Variants in VPS54 observed in about 807,000 individuals in gnomAD.
VPS54 encodes vacuolar protein sorting-associated protein 54.
Under a neutral mutation model 121.5 loss-of-function variants are expected in VPS54, and 45 were observed. That is an observed-to-expected ratio of 0.37 (90% CI 0.29 to 0.47). VPS54 has a LOEUF of 0.47. Ranked by LOEUF, VPS54 falls within the 20% of genes least tolerant of loss-of-function variation. The pLI is 0.99. For synonymous variants in VPS54, 371 were observed against 385.8 expected, an observed-to-expected ratio of 0.96 and a Z score of 0.45; for missense variants, 1,090 against 1,131.4, an observed-to-expected ratio of 0.96 and a Z score of 0.52.
intron 17 of VPS54, 90 bp from the exon 18 acceptor site, chr2:63,913,400 T>C: frequency 3.6e-6 from 3 of 837,206 alleles, no homozygotes; most frequent in Non-Finnish European, 5.5e-6. Flanking sequence ...TACATTCCCC[T>C]TTCCTCTCAT....
intron 5 of VPS54, among the ~76,000 whole-genome samples, chr2:63,967,595 T>A (rs946766621): frequency 6.6e-6 from 1 of 151,852 alleles, no homozygotes. Flanking sequence ...AGCAGGCGCC[T>A]GTAATCCCAG....
In VPS54 at chr2:63,949,207, C is replaced by G. The variant is rs1675127240; in HGVS notation, c.1011-44G>C. On this transcript the variant is annotated intron_variant, in intron 7 of 22. Coordinates refer to ENST00000272322, the MANE Select transcript of VPS54 (RefSeq NM_016516.3). The stretch of plus-strand genomic sequence containing the variant: ...ATGTTATATTTATATTCACTAAAAA[C>G]TACAAATTCGCTCCACAATCAAGGG... 2.6e-6 allele frequency: 4 copies of G among 1,564,692 alleles called. No homozygotes were observed. In the South Asian group the frequency reaches 4.8e-5, roughly 19 times the overall value.
At chr2:63,981,210 T>C (rs995032419) in intron 3 of VPS54, among the ~76,000 whole-genome samples, 2 of 152,152 alleles carry the variant, frequency 1.3e-5, no homozygotes, top group African/African-American at 4.8e-5. Flanking sequence ...AGACAGGGTT[T>C]AAAGTAATAT....
Position 63,942,570 on chromosome 2 carries a change from A to C in VPS54, c.1302-9T>G, listed in dbSNP as rs1053261089. 6.4e-7 allele frequency: 1 copy of C among 1,565,218 alleles called. No individual in the cohort carries two copies. Among genetic ancestry groups the C allele is most frequent in the Non-Finnish European group, 8.7e-7 (1 of 1,152,732 alleles). ...TCATCTGATCTGCAAGCCTAGAAAA[A>C]AATAATTCAAACAAAAATAATGATT... is the stretch of plus-strand genomic sequence containing the variant. On this transcript the variant is annotated splice_polypyrimidine_tract_variant and intron_variant, in intron 10 of 22. Coordinates refer to ENST00000272322, the MANE Select transcript of VPS54 (RefSeq NM_016516.3).
intron 11 of VPS54, among the ~76,000 whole-genome samples, chr2:63,940,292 AT>A (rs1207068816): frequency 6.6e-6 from 1 of 152,226 alleles, no homozygotes; most frequent in Non-Finnish European, 1.5e-5. Flanking sequence ...ACTTGACAGA[AT>A]CACAAACTTT....
At chr2:63,913,956 G>A (rs1325529211) in intron 17 of VPS54, 29 of 1,312,342 alleles carry the variant, frequency 2.2e-5, no homozygotes, top group Non-Finnish European at 2.4e-5. Context: ...TGTCTCCAAT[G>A]TCATTAACAA....
intron 11 of VPS54, among the ~76,000 whole-genome samples, chr2:63,936,791 G>T (rs988711818): frequency 1.3e-5 from 2 of 152,080 alleles, no homozygotes; most frequent in Non-Finnish European, 2.9e-5. Flanking sequence ...ATAACAGTGT[G>T]GTATTGGCAT....
chr2:63,935,150 C>T (rs1198625078), intron 11 of VPS54, among the ~76,000 whole-genome samples: 1 of 152,136 alleles, frequency 6.6e-6, no homozygotes, highest in Non-Finnish European at 1.5e-5. Context: ...ATGACACCAA[C>T]AACCTCTTTA....
chr2:63,906,731 G>A (rs890196455), intron 20 of VPS54, among the ~76,000 whole-genome samples: 1 of 152,170 alleles, frequency 6.6e-6, no homozygotes, highest in African/African-American at 2.4e-5. Context: ...TACAAAACTG[G>A]ATATACCTTG....
At chr2:63,975,336 T>C (rs1356212994) in intron 3 of VPS54, 2 of 243,024 alleles carry the variant, frequency 8.2e-6, no homozygotes, top group East Asian at 7.4e-5. Context: ...ACAAAGATGA[T>C]AACAGTCCTT....
chr2:63,971,349 A>G (rs1676277325), intron 4 of VPS54, among the ~76,000 whole-genome samples: 1 of 152,242 alleles, frequency 6.6e-6, no homozygotes, highest in African/African-American at 2.4e-5. Flanking sequence ...AAATCTGATC[A>G]TGCCTAGTTA....
intron 2 of VPS54, 21 bp from the exon 3 acceptor site, chr2:63,981,908 A>G (rs1676817548): frequency 6.2e-7 from 1 of 1,602,582 alleles, no homozygotes; most frequent in African/African-American, 1.3e-5. Flanking sequence ...TAAACAAGAG[A>G]ACTCTGTAAA....
chr2:63,980,592 T>C (rs532466607), intron 3 of VPS54, among the ~76,000 whole-genome samples: 1 of 152,280 alleles, frequency 6.6e-6, no homozygotes, highest in Admixed American at 6.5e-5. Context: ...TTTTGCTATT[T>C]TAGTGGTTGC....
intron 22 of VPS54, 144 bp downstream of exon 22, chr2:63,897,352 G>GAA (rs969186317): frequency 7.6e-5 from 39 of 514,208 alleles, no homozygotes; most frequent in South Asian, 1.5e-4. Flanking sequence ...TTCCACAGGG[G>GAA]AAAAAAAAAA....
chr2:63,992,467 G>A (rs1677374135), intron 1 of VPS54, among the ~76,000 whole-genome samples: 1 of 152,212 alleles, frequency 6.6e-6, no homozygotes, highest in Non-Finnish European at 1.5e-5. Context: ...AAAGAAGACA[G>A]GGCTGGTTTA....
chr2:63,922,216 T>A (rs886274413), intron 12 of VPS54, among the ~76,000 whole-genome samples: 1 of 152,190 alleles, frequency 6.6e-6, no homozygotes, highest in African/African-American at 2.4e-5. Context: ...AAACTTTCTA[T>A]TTTTAAACAT....
chr2:63,938,176 A>G (rs1458412527), intron 11 of VPS54, among the ~76,000 whole-genome samples: 6 of 151,680 alleles, frequency 4.0e-5, no homozygotes, highest in Non-Finnish European at 8.8e-5. Context: ...TAGGTTGCCC[A>G]GACTGGTCTC....
intron 5 of VPS54, 149 bp downstream of exon 5, chr2:63,968,808 G>A: frequency 1.6e-6 from 1 of 641,424 alleles, no homozygotes; most frequent in Non-Finnish European, 2.7e-6. Flanking sequence ...AAGTGAGAAA[G>A]AAAGAAGAAA....
intron 20 of VPS54, among the ~76,000 whole-genome samples, chr2:63,911,032 C>T (rs1304229459): frequency 6.6e-6 from 1 of 152,142 alleles, no homozygotes; most frequent in Non-Finnish European, 1.5e-5. Context: ...TATTCCCAGC[C>T]TAGTTCCACT....
Sources: allele counts gnomAD v4.1 joint callset (sites outside exome capture counted in the v4.1 genomes callset), GRCh38; gene constraint gnomAD v4.1.1; transcripts MANE v1.5; gene names NCBI Gene and HGNC (gene_info 2026-07-23, HGNC 2026-07-21).